MYADM: variants seen among roughly 807,000 people sequenced by gnomAD.
The protein encoded by MYADM is myeloid associated differentiation marker, also known as myeloid-associated differentiation marker.
For missense variants in MYADM, 416 were observed against 443.4 expected (o/e 0.94, Z 0.56); for synonymous variants, 224 against 210.2 (o/e 1.07, Z -0.57).
chr19:53,871,941 C>T (rs950382448), intron 2 of MYADM, among the ~76,000 whole-genome samples: 12 of 152,028 alleles, frequency 7.9e-5, no homozygotes, highest in South Asian at 2.1e-4. Context: ...TCATGTCACC[C>T]GGGCTGGAGT....
upstream of MYADM, among the ~76,000 whole-genome samples, chr19:53,867,430 G>A (rs1045863802): frequency 6.6e-6 from 1 of 151,972 alleles, no homozygotes; most frequent in African/African-American, 2.4e-5. Flanking sequence ...AGACCAGGAA[G>A]GAGGGGGTAG....
chr19:53,874,271 G>C lies in MYADM; in HGVS notation c.742G>C (p.Val248Leu), dbSNP rs1281587944. 21 of 1,609,602 alleles carry C rather than the reference G, an allele frequency of 1.3e-5. No homozygotes were observed. The highest frequency in any genetic ancestry group is 1.8e-5 in the Non-Finnish European group (21 of 1,176,794). The change falls in exon 3 of 3, where the codon GTC becomes CTC. Residue 248 changes from valine (V) to leucine (L), a missense_variant. Physicochemically the swap from Val to Leu is conservative, Grantham distance 32 (BLOSUM62 1). Coordinates refer to ENST00000391770, the MANE Select transcript of MYADM (RefSeq NM_138373.5). ...CCTGTCGGGGCTGGCCTTGCTGTCT[G>C]TCCTCCTCTATGCCACCGCCCTTGT... ...SFLSGLALLS[V>L]LLYATALVLW...
chr19:53,873,852 A>C lies in MYADM; in HGVS notation c.323A>C (p.Tyr108Ser). The C allele has an allele frequency of 1.9e-6, 3 of 1,613,512 alleles. No homozygotes were observed. Among genetic ancestry groups the C allele is most frequent in the Non-Finnish European group, 1.7e-6 (2 of 1,180,030 alleles). ...WRNFPITFAC[Y>S]AALFCLSASI... The stretch of plus-strand genomic sequence containing the variant: ...AACTTCCCCATCACCTTCGCCTGCT[A>C]TGCGGCCCTCTTCTGCCTCTCGGCC... The change falls in exon 3 of 3, where the codon TAT becomes TCT. Residue 108 changes from tyrosine (Y) to serine (S), a missense_variant. By Grantham distance (144) the Tyr-to-Ser change is moderately radical (BLOSUM62 -2). Transcript: ENST00000391770. The surrounding 1 kb of genome is among the most constrained non-coding windows in gnomAD (Gnocchi z 4.3).
rs975316719 is a variant in MYADM at position 53,868,573 on chromosome 19, G to A, written c.-88+630G>A. Among the ~76,000 whole-genome samples, 1 of 152,140 alleles carries A rather than the reference G, an allele frequency of 6.6e-6. No homozygotes were observed. Among genetic ancestry groups the A allele is most frequent in the Non-Finnish European group, 1.5e-5 (1 of 68,020 alleles). On this transcript the variant is annotated intron_variant, in intron 1 of 2. Transcript: ENST00000391770. The surrounding 1 kb of genome is among the most constrained non-coding windows in gnomAD (Gnocchi z 6.3). ...CCCGTGCTTCCGAAGTGCAGAAGGAGCTGGGAAAGGAGGAGAAGACAGGGC... is the reference window on the plus strand; with the variant it reads ...CCCGTGCTTCCGAAGTGCAGAAGGAACTGGGAAAGGAGGAGAAGACAGGGC...
chr19:53,873,418 C>G lies in MYADM; in HGVS notation c.-2-110C>G. 2 of 1,167,634 alleles carry G rather than the reference C, an allele frequency of 1.7e-6. No individual in the cohort carries two copies. The highest frequency in any genetic ancestry group is 1.5e-5 in the South Asian group (1 of 65,098). 72.3% of individuals were successfully genotyped at this position (1,167,634 alleles called of 1,614,324 possible). A position where few individuals can be genotyped will look rare whatever the true frequency, so the allele number is the denominator to read the frequency against. ...AACCGAAAGCCCCACATCTTGGGAA[C>G]TCCCTAATTAGAGCTCATATTAATT... On this transcript the variant is annotated intron_variant, in intron 2 of 2. Coordinates refer to ENST00000391770, the MANE Select transcript of MYADM (RefSeq NM_138373.5). The surrounding 1 kb of genome is among the most constrained non-coding windows in gnomAD (Gnocchi z 4.3).
At chr19:53,870,368 G>T (rs1167122790) in intron 2 of MYADM, among the ~76,000 whole-genome samples, 144 of 114,854 alleles carry the variant, frequency 1.3e-3, no homozygotes, top group Non-Finnish European at 1.8e-3. Context: ...GGGAGGAGGG[G>T]CTGGGGGCCT....
In MYADM at chr19:53,874,383, A is replaced by C. The variant is rs374645022; in HGVS notation, c.854A>C (p.Tyr285Ser). 2 of 1,614,218 alleles carry C rather than the reference A, an allele frequency of 1.2e-6. No homozygotes were observed. The highest frequency in any genetic ancestry group is 1.7e-6 in the Non-Finnish European group (2 of 1,180,032). ...GTAAGCTGCAGCCGCAGCCATGCCT[A>C]CTACGTGTGTGCCTGGGACCGCCGA... ...RDVSCSRSHA[Y>S]YVCAWDRRLA... The change falls in exon 3 of 3, where the codon TAC becomes TCC. Residue 285 changes from tyrosine to serine, a missense_variant. Tyr to Ser is a moderately radical substitution (Grantham distance 144). Transcript: ENST00000391770.
chr19:53,867,854 C>CCCCAGCCCTCCAACCCCA (rs1179848987), upstream of MYADM: 17 of 150,750 alleles, frequency 1.1e-4, no homozygotes, highest in East Asian at 2.4e-3. Context: ...CGCGCTGGCT[C>CCCCAGCCCTCCAACCCCA]CCCAGCCCTC....
Position 53,874,166 on chromosome 19 carries a change from T to C in MYADM, c.637T>C (p.Cys213Arg), listed in dbSNP as rs1355559162. 1.9e-6 allele frequency: 3 copies of C among 1,613,854 alleles called. No individual in the cohort carries two copies. Among genetic ancestry groups the C allele is most frequent in the African/African-American group, 1.3e-5 (1 of 74,956 alleles). The stretch of plus-strand genomic sequence containing the variant: ...GTGGTGCGTGGCGGTGTACGCCATC[T>C]GCTTCATCCTAGCGGCCATCGCCAT... The part of the protein sequence containing the change: ...LEWCVAVYAI[C>R]FILAAIAILL... Residue 213 changes from cysteine to arginine, a missense_variant, in exon 3 of 3, where the codon TGC becomes CGC. Coordinates refer to ENST00000391770, the MANE Select transcript of MYADM (RefSeq NM_138373.5).
chr19:53,872,278 C>T (rs981930758), intron 2 of MYADM, among the ~76,000 whole-genome samples: 3 of 152,124 alleles, frequency 2.0e-5, no homozygotes, highest in Non-Finnish European at 4.4e-5. Context: ...TCACTGCAAC[C>T]TCTGCCTCCT....
At position 53,868,078 on chromosome 19, in the gene MYADM, C is replaced by T. The variant is rs938481017; in HGVS notation, c.-88+135C>T. 1.7e-4 allele frequency: 26 copies of T among 153,778 alleles called. No homozygotes were observed. The highest frequency in any genetic ancestry group is 1.4e-4 in the Non-Finnish European group (10 of 69,130). The allele number at this position is 153,778 out of a possible 1,614,324, so 9.5% of individuals were successfully genotyped here. On this transcript the variant is annotated intron_variant, in intron 1 of 2. Transcript: ENST00000391770. The surrounding 1 kb of genome is among the most constrained non-coding windows in gnomAD (Gnocchi z 6.3). ...CTGGGCCAGGATTCTTGGGGTTCTG[C>T]AGAGGAGAGGGCTGAGGACCTGGAC... is the stretch of plus-strand genomic sequence containing the variant.
In MYADM at chr19:53,874,668, T is replaced by G. The variant is rs1419564666; in HGVS notation, c.*170T>G. On this transcript the variant is annotated 3_prime_UTR_variant, in exon 3 of 3. Transcript: ENST00000391770. ...AATTCCTTGCACTCTAACCAGTTCT[T>G]GGATGCATCTTCTTCCTTCCCTTTC... is the stretch of plus-strand genomic sequence containing the variant. 1 of 623,686 alleles carries G rather than the reference T, an allele frequency of 1.6e-6. No homozygotes were observed. Among genetic ancestry groups the G allele is most frequent in the African/African-American group, 1.9e-5 (1 of 52,302 alleles). 38.6% of individuals were successfully genotyped at this position (623,686 alleles called of 1,614,324 possible). A position where few individuals can be genotyped will look rare whatever the true frequency, so the allele number is the denominator to read the frequency against.
chr19:53,874,773 T>A lies in MYADM; in HGVS notation c.*275T>A. 2 of 24,680 alleles carry A rather than the reference T, an allele frequency of 8.1e-5. No homozygotes were observed. The highest frequency in any genetic ancestry group is 1.7e-4 in the Non-Finnish European group (2 of 11,590). 1.5% of individuals were successfully genotyped at this position (24,680 alleles called of 1,614,324 possible). On this transcript the variant is annotated 3_prime_UTR_variant, in exon 3 of 3. Transcript: ENST00000391770. ...TGAGCTGTTTCTCTTTTTCTTTTCT[T>A]TTTTTTTTTTTTTTTTTTTTAAGAC...
Position 53,873,557 on chromosome 19 carries a change from A to G in MYADM, c.28A>G (p.Ile10Val). 1 of 1,609,212 alleles carries G rather than the reference A, an allele frequency of 6.2e-7. No individual in the cohort carries two copies. The highest frequency in any genetic ancestry group is 8.5e-7 in the Non-Finnish European group (1 of 1,176,748). ...GCCAGTGACGGTAACCCGCACCACC[A>G]TCACAACCACCACGACGTCATCTTC... The part of the protein sequence containing the change: MPVTVTRTT[I>V]TTTTTSSSGL... The change falls in exon 3 of 3, where the codon ATC becomes GTC. Residue 10 changes from isoleucine to valine, a missense_variant. Physicochemically the swap from Ile to Val is conservative, Grantham distance 29. Coordinates refer to ENST00000391770, the MANE Select transcript of MYADM (RefSeq NM_138373.5). This position sits in a 1 kb window ranked among gnomAD's most constrained non-coding sequence, Gnocchi z 4.3.
Position 53,873,763 on chromosome 19 carries a change from G to C in MYADM, c.234G>C (p.Val78=). The C allele has an allele frequency of 6.2e-7, 1 of 1,613,946 alleles. No individual in the cohort carries two copies. Among genetic ancestry groups the C allele is most frequent in the Non-Finnish European group, 8.5e-7 (1 of 1,180,020 alleles). ...SMFTWCFCFS[V]TLIILIVELC... ...TCACCTGGTGCTTCTGCTTCTCCGTGACCCTGATCATCCTCATCGTGGAGC... is the reference window on the plus strand; with the variant it reads ...TCACCTGGTGCTTCTGCTTCTCCGTCACCCTGATCATCCTCATCGTGGAGC... The change falls in exon 3 of 3, where the codon GTG becomes GTC. Residue 78 remains valine, a synonymous_variant. Transcript: ENST00000391770. This position sits in a 1 kb window ranked among gnomAD's most constrained non-coding sequence, Gnocchi z 4.3.
In MYADM at chr19:53,872,205, A is replaced by T. The variant is rs975597173; in HGVS notation, c.-2-1323A>T. On this transcript the variant is annotated intron_variant, in intron 2 of 2. Transcript: ENST00000391770. ...TGAGCCACTGCGCCCAGATTATTTT[A>T]TTTTTTTTGAGGCGGAGTGTGGCTC... is the stretch of plus-strand genomic sequence containing the variant. Among the ~76,000 whole-genome samples, 3 of 147,862 alleles carry T rather than the reference A, an allele frequency of 2.0e-5. No homozygotes were observed. In the South Asian group the frequency reaches 6.4e-4, roughly 32 times the overall value.
At chr19:53,871,707 C>T (rs1047274861) in intron 2 of MYADM, among the ~76,000 whole-genome samples, 6 of 151,804 alleles carry the variant, frequency 4.0e-5, no homozygotes, top group Non-Finnish European at 5.9e-5. Flanking sequence ...ATGTCTAGGT[C>T]ACTGTTCGAT....
chr19:53,874,431 C>A lies in MYADM; in HGVS notation c.902C>A (p.Ala301Asp), dbSNP rs759404103. The change falls in exon 3 of 3, where the codon GCC (alanine) becomes GAC (aspartate). Residue 301 changes from alanine to aspartate, a missense_variant. By Grantham distance (126) the Ala-to-Asp change is moderately radical (BLOSUM62 -2). Coordinates refer to ENST00000391770, the MANE Select transcript of MYADM (RefSeq NM_138373.5). ...CGACTGGCTGTGGCCATCCTGACGG[C>A]CATCAACCTACTGGCGTATGTGGCT... ...DRRLAVAILT[A>D]INLLAYVADL... 1 of 1,613,968 alleles carries A rather than the reference C, an allele frequency of 6.2e-7. No homozygotes were observed. Among genetic ancestry groups the A allele is most frequent in the Non-Finnish European group, 8.5e-7 (1 of 1,179,950 alleles).
upstream of MYADM, among the ~76,000 whole-genome samples, chr19:53,867,522 A>G (rs931914292): frequency 6.6e-6 from 1 of 151,892 alleles, no homozygotes; most frequent in African/African-American, 2.4e-5. Flanking sequence ...AACCCTAAAC[A>G]TGCGGGGTTT....
Sources: gnomAD v4.1 joint callset for allele counts (sites outside exome capture counted in the v4.1 genomes callset) on GRCh38, gnomAD v4.1.1 for gene constraint, Gnocchi (gnomAD v3.1) non-coding constraint, MANE v1.5 for transcripts, NCBI Gene and HGNC (gene_info 2026-07-23, HGNC 2026-07-21) for gene names.